TMEM178B: variants seen among roughly 807,000 people sequenced by gnomAD.
TMEM178B encodes the protein transmembrane protein 178B.
In TMEM178B, 5 loss-of-function variants were observed where a neutral mutation model predicts 31.0. The observed-to-expected ratio is 0.16, with a 90% CI of 0.08 to 0.34. TMEM178B has a LOEUF of 0.34. TMEM178B is among the 10% of genes least tolerant of loss of function. The pLI is 1.00. For synonymous variants in TMEM178B, 164 were observed against 164.0 expected (o/e 1.00, Z 0.00); for missense variants, 275 against 400.3 (o/e 0.69, Z 2.67).
At chr7:141,427,517 A>G (rs927478577) in intron 2 of TMEM178B, among the ~76,000 whole-genome samples, 6 of 152,232 alleles carry the variant, frequency 3.9e-5, no homozygotes, top group Admixed American at 1.3e-4. Context: ...GCAGAATTCA[A>G]TTAGAACCTT....
intron 2 of TMEM178B, among the ~76,000 whole-genome samples, chr7:141,316,274 A>G (rs959328506): frequency 6.6e-6 from 1 of 152,174 alleles, no homozygotes; most frequent in Non-Finnish European, 1.5e-5. Flanking sequence ...TTAATTGCTC[A>G]CATTTTTCTG....
At chr7:141,401,557 G>A (rs1461532219) in intron 2 of TMEM178B, among the ~76,000 whole-genome samples, 5 of 151,960 alleles carry the variant, frequency 3.3e-5, no homozygotes, top group Non-Finnish European at 7.4e-5. Context: ...CTGGGACTAC[G>A]GGTGCATGCC....
chr7:141,355,371 T>C (rs968004848), intron 2 of TMEM178B, among the ~76,000 whole-genome samples: 6 of 152,098 alleles, frequency 3.9e-5, no homozygotes, highest in African/African-American at 1.4e-4. Flanking sequence ...TAGAGAAGCA[T>C]TGGGACCCCT....
intron 1 of TMEM178B, among the ~76,000 whole-genome samples, chr7:141,094,197 A>G (rs534163043): frequency 3.3e-5 from 5 of 152,204 alleles, no homozygotes; most frequent in African/African-American, 1.2e-4. Context: ...ATGGAAGGAA[A>G]TGAACATGGC....
intron 2 of TMEM178B, among the ~76,000 whole-genome samples, chr7:141,401,450 G>A (rs184573335): frequency 6.6e-5 from 10 of 152,276 alleles, no homozygotes; most frequent in Admixed American, 1.3e-4. Context: ...GTCTTGCTCT[G>A]TCACCCAGGC....
rs17161931 is a variant in TMEM178B at position 141,126,789 on chromosome 7, G to A, written c.382+52097G>A. On this transcript the variant is annotated intron_variant, in intron 1 of 3. Transcript: ENST00000565468. ...GTGTTAAAATCACGTGCGAGACCTT[G>A]GTCTAGAAAAACCCTGGGGGAATTT... is the stretch of plus-strand genomic sequence containing the variant. 2.8e-3 allele frequency among the ~76,000 whole-genome samples: 419 copies of A among 152,108 alleles called. 7 individuals are homozygous for A. In the East Asian group the frequency reaches 0.06, roughly 22 times the overall value.
In TMEM178B at chr7:141,444,472, A is replaced by C. The variant is rs183578499; in HGVS notation, c.634+6727A>C. 2.0e-3 allele frequency among the ~76,000 whole-genome samples: 312 copies of C among 152,242 alleles called. 4 individuals carry two copies. The highest frequency in any genetic ancestry group is 7.3e-3 in the African/African-American group (304 of 41,534). ...TCCTATTCTAATCATCTCCCCTTTC[A>C]CAAGATTTCTTGTCCTCTTGTTGTC... is the stretch of plus-strand genomic sequence containing the variant. On this transcript the variant is annotated intron_variant, in intron 3 of 3. Transcript: ENST00000565468.
At chr7:141,369,788 C>T (rs1427298140) in intron 2 of TMEM178B, among the ~76,000 whole-genome samples, 1 of 152,136 alleles carries the variant, frequency 6.6e-6, no homozygotes, top group Non-Finnish European at 1.5e-5. Flanking sequence ...ACCTTATAGC[C>T]ACAATGACTT....
the TMEM178B span, among the ~76,000 whole-genome samples, chr7:141,490,796 C>A: frequency 9.9e-5 from 15 of 152,218 alleles, no homozygotes; most frequent in Non-Finnish European, 1.9e-4. Context: ...GTTTACTGAA[C>A]CCTTGCTAGG....
intron 1 of TMEM178B, among the ~76,000 whole-genome samples, chr7:141,206,192 C>T (rs1796960485): frequency 6.6e-6 from 1 of 152,152 alleles, no homozygotes; most frequent in Non-Finnish European, 1.5e-5. Context: ...ATGTTTGGGT[C>T]TTAGAAGACT....
intron 1 of TMEM178B, among the ~76,000 whole-genome samples, chr7:141,178,698 C>G (rs1022619656): frequency 6.6e-6 from 1 of 152,208 alleles, no homozygotes; most frequent in African/African-American, 2.4e-5. Flanking sequence ...GATCCCTGCA[C>G]TGAATGGCCC....
chr7:141,463,907 G>A (rs1446060124), intron 3 of TMEM178B, among the ~76,000 whole-genome samples: 4 of 152,222 alleles, frequency 2.6e-5, no homozygotes, highest in African/African-American at 7.2e-5. Flanking sequence ...TGTGTTCTGA[G>A]TGTGATAGAA....
intron 1 of TMEM178B, among the ~76,000 whole-genome samples, chr7:141,207,950 G>C (rs1158398889): frequency 6.6e-6 from 1 of 152,080 alleles, no homozygotes; most frequent in Non-Finnish European, 1.5e-5. Flanking sequence ...AGCAATTTAG[G>C]AGACTGAGGT....
At position 141,267,232 on chromosome 7, in the gene TMEM178B, A is replaced by G. The variant is rs142291444; in HGVS notation, c.496+54528A>G. On this transcript the variant is annotated intron_variant, in intron 2 of 3. Coordinates refer to ENST00000565468, the MANE Select transcript of TMEM178B (RefSeq NM_001195278.2). ...GTTTCTGGGTCCTCTACGTACCTCA[A>G]ATTTCTATGGTTAATGGGTTTTCCT... Among the ~76,000 whole-genome samples the G allele has an allele frequency of 5.3e-5, 8 of 152,332 alleles. No homozygotes were observed. The East Asian group carries it at 1.5e-3, about 29-fold the overall frequency.
At chr7:141,372,402 C>G (rs1216940851) in intron 2 of TMEM178B, among the ~76,000 whole-genome samples, 1 of 152,182 alleles carries the variant, frequency 6.6e-6, no homozygotes, top group Non-Finnish European at 1.5e-5. Flanking sequence ...ATAGGCAGTT[C>G]CCTCCCTGCA....
chr7:141,234,629 C>T (rs143524932), intron 2 of TMEM178B, among the ~76,000 whole-genome samples: 4 of 152,236 alleles, frequency 2.6e-5, no homozygotes, highest in Non-Finnish European at 2.9e-5. Flanking sequence ...GAACCTGGTC[C>T]GAGAATTTCC....
At chr7:141,121,364 C>T (rs1416891442) in intron 1 of TMEM178B, among the ~76,000 whole-genome samples, 1 of 152,186 alleles carries the variant, frequency 6.6e-6, no homozygotes. Context: ...AACACCCACA[C>T]ATGTCAGATA....
chr7:141,269,041 C>T (rs1455346329), intron 2 of TMEM178B, among the ~76,000 whole-genome samples: 2 of 151,998 alleles, frequency 1.3e-5, no homozygotes, highest in African/African-American at 2.4e-5. Flanking sequence ...ATCCCATTTA[C>T]CTTACAGTCC....
intron 2 of TMEM178B, among the ~76,000 whole-genome samples, chr7:141,317,479 T>A (rs1799025180): frequency 6.6e-6 from 1 of 152,190 alleles, no homozygotes. Context: ...ATGTCTTTAA[T>A]TAGCGTAAAC....
Sources: gnomAD v4.1 joint callset for allele counts (sites outside exome capture counted in the v4.1 genomes callset) on GRCh38, gnomAD v4.1.1 for gene constraint, MANE v1.5 for transcripts, NCBI Gene and HGNC (gene_info 2026-07-23, HGNC 2026-07-21) for gene names.